RLN2: variants seen among roughly 807,000 people sequenced by gnomAD.
RLN2 encodes the protein relaxin 2, also known as prorelaxin H2.
A neutral mutation model predicts 7.3 loss-of-function variants in RLN2; 10 were observed. The observed-to-expected ratio is 1.36, with a 90% CI of 0.84 to 2.31. The LOEUF is 2.31. RLN2 is among the 30% of genes most tolerant of loss of function. RLN2 has a pLI of 0.00. For missense variants in RLN2, 298 were observed against 217.6 expected (o/e 1.37, Z -2.32); for synonymous variants, 103 against 82.3 (o/e 1.25, Z -1.36).
chr9:5,307,298 TAG>T (rs760953940), upstream of RLN2, among the ~76,000 whole-genome samples: 1 of 129,716 alleles, frequency 7.7e-6, no homozygotes, highest in Admixed American at 7.5e-5. Flanking sequence ...GATAGATAGA[TAG>T]ATAGATAGAT....
the RLN2 span, among the ~76,000 whole-genome samples, chr9:5,319,732 T>C: frequency 6.6e-6 from 1 of 152,026 alleles, no homozygotes; most frequent in Non-Finnish European, 1.5e-5. Context: ...TAGACTTCAA[T>C]TCAGAAGCCA....
chr9:5,337,257 T>C, the RLN2 span, among the ~76,000 whole-genome samples: 1 of 152,102 alleles, frequency 6.6e-6, no homozygotes, highest in African/African-American at 2.4e-5. Flanking sequence ...ATTTTCTGTA[T>C]ACTTAAAGCC....
chr9:5,316,771 T>C, the RLN2 span, among the ~76,000 whole-genome samples: 16 of 152,138 alleles, frequency 1.1e-4, no homozygotes, highest in African/African-American at 3.9e-4. Flanking sequence ...CATGTGTCTT[T>C]ATAGCAGAAT....
the RLN2 span, chr9:5,335,204 A>C: frequency 8.4e-7 from 1 of 1,189,270 alleles, no homozygotes; most frequent in Non-Finnish European, 1.2e-6. Flanking sequence ...AAATGTCATC[A>C]AGACTATGTG....
At chr9:5,333,796 C>A in the RLN2 span, among the ~76,000 whole-genome samples, 1 of 151,988 alleles carries the variant, frequency 6.6e-6, no homozygotes, top group Non-Finnish European at 1.5e-5. Flanking sequence ...CAAAATCCAG[C>A]AGCACATCAA....
the RLN2 span, among the ~76,000 whole-genome samples, chr9:5,328,297 G>A: frequency 2.0e-5 from 3 of 151,996 alleles, no homozygotes; most frequent in Non-Finnish European, 4.4e-5. Context: ...CGATCAAGTG[G>A]AAGAAAGGAT....
intron 1 of RLN2, 70 bp from the exon 2 acceptor site, chr9:5,300,514 A>AAAC: frequency 1.9e-6 from 2 of 1,029,398 alleles, no homozygotes; most frequent in Non-Finnish European, 2.8e-6. Context: ...AAAAACTATG[A>AAAC]ATGTTTGCAT....
the RLN2 span, among the ~76,000 whole-genome samples, chr9:5,315,869 A>G: frequency 6.6e-6 from 1 of 152,110 alleles, no homozygotes; most frequent in Non-Finnish European, 1.5e-5. Context: ...GAGATGAAGG[A>G]GAAATAAAGT....
the RLN2 span, among the ~76,000 whole-genome samples, chr9:5,320,203 C>A: frequency 3.3e-5 from 5 of 151,614 alleles, no homozygotes; most frequent in African/African-American, 9.7e-5. Context: ...CCAGGCTGGT[C>A]TCAAACTCCT....
chr9:5,319,420 C>G, the RLN2 span, among the ~76,000 whole-genome samples: 1 of 151,694 alleles, frequency 6.6e-6, no homozygotes, highest in Non-Finnish European at 1.5e-5. Flanking sequence ...CTGAATGGAA[C>G]GTCCCATGAG....
upstream of RLN2, among the ~76,000 whole-genome samples, chr9:5,308,129 C>A (rs971427953): frequency 3.9e-5 from 6 of 151,902 alleles, no homozygotes; most frequent in Admixed American, 1.3e-4. Flanking sequence ...TGACTCTCCC[C>A]AGATGCCTTT....
upstream of RLN2, among the ~76,000 whole-genome samples, chr9:5,307,378 A>G (rs1409697338): frequency 6.6e-6 from 1 of 151,958 alleles, no homozygotes; most frequent in Non-Finnish European, 1.5e-5. Flanking sequence ...ATAAACTTAC[A>G]GTCATCAGTT....
chr9:5,326,351 C>T, the RLN2 span, among the ~76,000 whole-genome samples: 6 of 152,194 alleles, frequency 3.9e-5, no homozygotes, highest in African/African-American at 1.4e-4. Context: ...TTAAGCAGAT[C>T]CAGTGACAGG....
At chr9:5,305,803 A>G (rs1432574451), upstream of RLN2, among the ~76,000 whole-genome samples, 3 of 152,074 alleles carry the variant, frequency 2.0e-5, no homozygotes, top group Non-Finnish European at 4.4e-5. Flanking sequence ...ATGGAATCAA[A>G]TAATTCTAAT....
the RLN2 span, chr9:5,335,415 G>A: frequency 4.3e-6 from 7 of 1,613,694 alleles, no homozygotes; most frequent in Non-Finnish European, 5.1e-6. Context: ...TTGCGAATAA[G>A]TTTCTTAAAT....
chr9:5,331,603 T>C, the RLN2 span, among the ~76,000 whole-genome samples: 27 of 127,564 alleles, frequency 2.1e-4, no homozygotes, highest in Admixed American at 2.8e-3. Flanking sequence ...CACCCATAGG[T>C]GGGAATTGAA....
the RLN2 span, among the ~76,000 whole-genome samples, chr9:5,319,122 A>G: frequency 6.6e-6 from 1 of 151,946 alleles, no homozygotes. Context: ...ACCAAGTTTC[A>G]TACACATCCC....
In RLN2 at chr9:5,300,233, T is replaced by G. The variant is rs140551813; in HGVS notation, c.423A>C (p.Ala141=). The part of the protein sequence containing the change: ...KLIRNRQSEA[A]DSSPSELKYL... ...ATTTTAATTCTGAAGGACTGCTGTC[T>G]GCGGCTTCACTTTGTCTATTGCGAA... Residue 141 remains alanine (A), a synonymous_variant, in exon 2 of 2, where the codon GCA becomes GCC. Coordinates refer to ENST00000381627, the MANE Select transcript of RLN2 (RefSeq NM_134441.3). The G allele has an allele frequency of 1.7e-4, 275 of 1,614,042 alleles. No individual in the cohort carries two copies. The highest frequency in any genetic ancestry group is 8.3e-4 in the Middle Eastern group (5 of 6,056).
At chr9:5,300,731 C>T (rs1182791796) in intron 1 of RLN2, among the ~76,000 whole-genome samples, 4 of 152,190 alleles carry the variant, frequency 2.6e-5, no homozygotes, top group Non-Finnish European at 5.9e-5. Flanking sequence ...CTCTCCCTGA[C>T]ATTAATCTGT....
Sources: gnomAD v4.1 joint callset for allele counts (sites outside exome capture counted in the v4.1 genomes callset) on GRCh38, gnomAD v4.1.1 for gene constraint, MANE v1.5 for transcripts, NCBI Gene and HGNC (gene_info 2026-07-23, HGNC 2026-07-21) for gene names.